The following ZNF518A variants were observed in gnomAD, a reference collection of about 807,000 sequenced individuals.
ZNF518A encodes the protein zinc finger protein 518.
In ZNF518A, 47 loss-of-function variants were observed where a neutral mutation model predicts 102.7. The observed-to-expected ratio is 0.46, with a 90% CI of 0.36 to 0.58. The LOEUF is 0.58. ZNF518A is among the 20% of genes least tolerant of loss of function. The pLI is 0.00. For missense variants in ZNF518A, 1,793 were observed against 1,699.8 expected, an observed-to-expected ratio of 1.05 and a Z score of -0.96; for synonymous variants, 652 against 594.6, an observed-to-expected ratio of 1.10 and a Z score of -1.40.
chr10:96,185,098 G>A (rs1554892438), intron 1 of ZNF518A, among the ~76,000 whole-genome samples: 1 of 152,090 alleles, frequency 6.6e-6, no homozygotes, highest in East Asian at 1.9e-4. Flanking sequence ...CGAATCAGCT[G>A]CTGAAGGCTG....
At chr10:96,146,071 A>G (rs1357036347) in intron 3 of ZNF518A, among the ~76,000 whole-genome samples, 1 of 152,164 alleles carries the variant, frequency 6.6e-6, no homozygotes, top group African/African-American at 2.4e-5. Context: ...TCAGTATTTG[A>G]ACAAATTAAA....
At chr10:96,203,152 C>T (rs2083693988) in intron 1 of ZNF518A, among the ~76,000 whole-genome samples, 1 of 152,108 alleles carries the variant, frequency 6.6e-6, no homozygotes, top group Non-Finnish European at 1.5e-5. Context: ...TAGAACAATG[C>T]CTGGCACACG....
rs1564794410 is a variant in ZNF518A, at chr10:96,163,226, G to A, written c.*2452G>A. On this transcript the variant is annotated 3_prime_UTR_variant, in exon 6 of 6. Coordinates refer to ENST00000316045, the MANE Select transcript of ZNF518A (RefSeq NM_001330736.2). ...TCTAGTTGGAACTTTTTCTGATTTT[G>A]TTAACTTAAGTTATTCTGAGGGAGG... The A allele has an allele frequency of 6.0e-6, 1 of 166,822 alleles. No homozygotes were observed. The highest frequency in any genetic ancestry group is 6.5e-5 in the Admixed American group (1 of 15,274). The allele number at this position is 166,822 out of a possible 1,614,324, so 10.3% of individuals were successfully genotyped here.
Position 96,160,504 on chromosome 10 carries a change from CCCT to C in ZNF518A, c.4186_4188del (p.Pro1396del). On this transcript the variant is annotated inframe_deletion, in exon 6 of 6. Transcript: ENST00000316045. ...CTTTACTGAAACCAGTTTGTTATAA[CCCT>C]CCTAAAACAACTTATGATGATTTTT... 6.2e-7 allele frequency: 1 copy of C among 1,613,122 alleles called. No homozygotes were observed. The highest frequency in any genetic ancestry group is 8.5e-7 in the Non-Finnish European group (1 of 1,179,528).
chr10:96,204,685 A>C, downstream of ZNF518A: 1 of 1,502,984 alleles, frequency 6.7e-7, no homozygotes, highest in Non-Finnish European at 9.2e-7. Flanking sequence ...ACCCAGCAAC[A>C]TCAGCTGAGA....
At chr10:96,189,778 A>G (rs1317807563) in intron 1 of ZNF518A, 14 of 842,142 alleles carry the variant, frequency 1.7e-5, no homozygotes, top group Non-Finnish European at 8.1e-6. Context: ...GAATCTTGCT[A>G]CCACCTCCAG....
rs1019064823 is a variant in ZNF518A, at chr10:96,150,474, T to C, written c.-301-4852T>C. On this transcript the variant is annotated intron_variant, in intron 3 of 5. Transcript: ENST00000316045. ...AGCTAGAAATTTTTACAAGAATAAG[T>C]TGTAGATACTGAGCTTCTAATCTTG... Among the ~76,000 whole-genome samples, 21 of 151,726 alleles carry C rather than the reference T, an allele frequency of 1.4e-4. 1 individual carries two copies. Among genetic ancestry groups the C allele is most frequent in the African/African-American group, 5.1e-4 (21 of 41,362 alleles).
chr10:96,178,625 AAAACAGAC>A (rs2083220054), intron 1 of ZNF518A, among the ~76,000 whole-genome samples: 1 of 152,078 alleles, frequency 6.6e-6, no homozygotes, highest in South Asian at 2.1e-4. Flanking sequence ...CAATGAGTAG[AAAACAGAC>A]AAACAATAGG....
chr10:96,170,304 A>G (rs1418947707), intron 1 of ZNF518A, among the ~76,000 whole-genome samples: 1 of 152,236 alleles, frequency 6.6e-6, no homozygotes, highest in African/African-American at 2.4e-5. Context: ...AATATTTTAA[A>G]CATTACCCCT....
chr10:96,137,743 G>A (rs587624297), intron 3 of ZNF518A, among the ~76,000 whole-genome samples: 1 of 152,148 alleles, frequency 6.6e-6, no homozygotes, highest in Non-Finnish European at 1.5e-5. Context: ...ATTCCCCCTG[G>A]TGATTTCATC....
chr10:96,175,877 CCCTTCCTTCCTT>C (rs782226974), intron 1 of ZNF518A, among the ~76,000 whole-genome samples: 1,706 of 49,644 alleles, frequency 0.034, 79 homozygotes, highest in East Asian at 0.1. Context: ...CTCCCTCCCT[CCCTTCCTTCCTT>C]CCTTCCTTCC....
chr10:96,137,057 G>A (rs1225583201), intron 3 of ZNF518A, among the ~76,000 whole-genome samples: 3 of 152,184 alleles, frequency 2.0e-5, no homozygotes, highest in Admixed American at 6.5e-5. Context: ...GGCCAGATTT[G>A]GCCTGCAGGC....
chr10:96,157,500 C>T lies in ZNF518A; in HGVS notation c.1178C>T (p.Pro393Leu). ...GCCCCTGAATCAGAGTCAGAGAAGC[C>T]AACTCCTCTGTCCACTGGGCAAGGT... ...DKAPESESEK[P>L]TPLSTGQGNR... Residue 393 changes from proline to leucine, a missense_variant, in exon 6 of 6, where the codon CCA (proline) becomes CTA (leucine). By Grantham distance (98) the Pro-to-Leu change is moderately conservative (BLOSUM62 -3). Around this residue, in one of 3 missense-constraint regions of ZNF518A, gnomAD observed 1,741 missense variants for 1,622.6 expected, o/e 1.07. Coordinates refer to ENST00000316045, the MANE Select transcript of ZNF518A (RefSeq NM_001330736.2). 6.2e-7 allele frequency: 1 copy of T among 1,613,772 alleles called. No individual in the cohort carries two copies. Among genetic ancestry groups the T allele is most frequent in the Non-Finnish European group, 8.5e-7 (1 of 1,179,778 alleles).
In ZNF518A at chr10:96,157,432, T is replaced by G; in HGVS notation, c.1110T>G (p.Ser370Arg). 1.2e-6 allele frequency: 2 copies of G among 1,613,240 alleles called. No individual in the cohort carries two copies. The highest frequency in any genetic ancestry group is 1.7e-6 in the Non-Finnish European group (2 of 1,179,614). ...GCCATGTTGTTCAAGAGCATTTAAG[T>G]GAAGAAAAGGATGAAAGACTACACT... ...DQSHVVQEHL[S>R]EEKDERLHCE... is the part of the protein sequence containing the mutation. Residue 370 changes from serine (S) to arginine (R), a missense_variant, in exon 6 of 6, where the codon AGT becomes AGG. Physicochemically the swap from Ser to Arg is moderately radical, Grantham distance 110. Coordinates refer to ENST00000316045, the MANE Select transcript of ZNF518A (RefSeq NM_001330736.2).
In ZNF518A at chr10:96,157,136, A is replaced by G; in HGVS notation, c.814A>G (p.Thr272Ala). 3 of 1,613,824 alleles carry G rather than the reference A, an allele frequency of 1.9e-6. No individual in the cohort carries two copies. Among genetic ancestry groups the G allele is most frequent in the African/African-American group, 1.3e-5 (1 of 75,054 alleles). The change falls in exon 6 of 6, where the codon ACC becomes GCC. Residue 272 changes from threonine (T) to alanine (A), a missense_variant. Physicochemically the swap from Thr to Ala is moderately conservative, Grantham distance 58. Coordinates refer to ENST00000316045, the MANE Select transcript of ZNF518A (RefSeq NM_001330736.2). ...TTGTCAATATTGTAGCTATGGTGCC[A>G]CCAGGAGAGAACACCTTGTAAGACA... ...FTCQYCSYGA[T>A]RREHLVRHVI...
chr10:96,144,092 G>T (rs1445660890), intron 3 of ZNF518A, among the ~76,000 whole-genome samples: 6 of 151,996 alleles, frequency 3.9e-5, no homozygotes, highest in Non-Finnish European at 7.4e-5. Flanking sequence ...CTCAAGCAAT[G>T]CTTCCATCTC....
chr10:96,201,813 C>T (rs1554896267), intron 1 of ZNF518A, among the ~76,000 whole-genome samples: 1 of 152,120 alleles, frequency 6.6e-6, no homozygotes, highest in African/African-American at 2.4e-5. Context: ...GGATATACAG[C>T]AGTTAACAAA....
intron 3 of ZNF518A, among the ~76,000 whole-genome samples, chr10:96,136,264 G>A (rs2081592465): frequency 1.3e-5 from 2 of 151,540 alleles, no homozygotes; most frequent in Non-Finnish European, 2.9e-5. Flanking sequence ...ACTCATTTTG[G>A]CAAAAACCTT....
At chr10:96,140,784 T>A (rs1374657878) in intron 3 of ZNF518A, among the ~76,000 whole-genome samples, 1 of 149,366 alleles carries the variant, frequency 6.7e-6, no homozygotes, top group African/African-American at 2.5e-5. Context: ...AAAAAAGAAT[T>A]GGAAAAATTA....
Sources: gnomAD v4.1 joint callset for allele counts (sites outside exome capture counted in the v4.1 genomes callset) on GRCh38, gnomAD v4.1.1 for gene constraint, gnomAD v4.1.1 regional missense constraint, MANE v1.5 for transcripts, NCBI Gene and HGNC (gene_info 2026-07-23, HGNC 2026-07-21) for gene names.